The following SRSF6 variants were observed in gnomAD, a reference collection of about 807,000 sequenced individuals.
SRSF6 encodes serine/arginine-rich splicing factor 6.
Under a neutral mutation model 42.0 loss-of-function variants are expected in SRSF6, and 17 were observed. The ratio of observed to expected loss-of-function variants is 0.40; its 90% CI spans 0.28 to 0.61. SRSF6 has a LOEUF of 0.61. Among genes scored for constraint, SRSF6 ranks in the 20% least tolerant of loss-of-function variants. The pLI is 0.37. For synonymous variants in SRSF6, 204 were observed against 166.7 expected (o/e 1.22, Z -1.72); for missense variants, 379 against 471.4 (o/e 0.80, Z 1.81).
In SRSF6 at chr20:43,460,943, A is replaced by G. The variant is rs747992818; in HGVS notation, c.915A>G (p.Leu305=). ...SRSQSRSNSP[L]PVPPSKARSV... is the part of the protein sequence containing the mutation. ...GCCAGTCCCGTTCCAATTCGCCGCT[A>G]CCTGTTCCACCCTCAAAGGCCCGTT... The change falls in exon 6 of 6, where the codon CTA becomes CTG. Residue 305 remains leucine (L), a synonymous_variant. Transcript: ENST00000244020. 477 of 1,614,012 alleles carry G rather than the reference A, an allele frequency of 3.0e-4. No homozygotes were observed. The highest frequency in any genetic ancestry group is 3.9e-4 in the Non-Finnish European group (459 of 1,180,026).
At position 43,460,824 on chromosome 20, in the gene SRSF6, A is replaced by C. The variant is rs201051220; in HGVS notation, c.796A>C (p.Lys266Gln). The change falls in exon 6 of 6, where the codon AAG (lysine) becomes CAG (glutamine). Residue 266 changes from lysine (K) to glutamine (Q), a missense_variant. Coordinates refer to ENST00000244020, the MANE Select transcript of SRSF6 (RefSeq NM_006275.6). ...CCATTCACATTCTCGAAGCAGATCT[A>C]AGGATGAGTATGAGAAATCTCGAAG... is the stretch of plus-strand genomic sequence containing the variant. ...GSHSHSRSRS[K>Q]DEYEKSRSRS... 1.2e-6 allele frequency: 2 copies of C among 1,614,184 alleles called. No individual in the cohort carries two copies. The highest frequency in any genetic ancestry group is 1.7e-6 in the Non-Finnish European group (2 of 1,180,034).
intron 1 of SRSF6, 108 bp from the exon 2 acceptor site, chr20:43,458,253 G>A: frequency 7.1e-7 from 1 of 1,407,860 alleles, no homozygotes; most frequent in South Asian, 1.5e-5. Flanking sequence ...CCTCAAAGAT[G>A]GCGACGGCGC....
chr20:43,458,294 G>T, intron 1 of SRSF6, 67 bp from the exon 2 acceptor site: 1 of 1,423,772 alleles, frequency 7.0e-7, no homozygotes, highest in Non-Finnish European at 9.2e-7. Context: ...TGGGGTACGG[G>T]CGCGCGCACG....
chr20:43,461,107 C>T lies in SRSF6; in HGVS notation c.*44C>T, dbSNP rs770169088. On this transcript the variant is annotated 3_prime_UTR_variant, in exon 6 of 6. Coordinates refer to ENST00000244020, the MANE Select transcript of SRSF6 (RefSeq NM_006275.6). ...CACATTATTATGGAACACTTTCCTA[C>T]TTAGGCAGTTACTCTTCCATGTTTA... 4 of 1,511,422 alleles carry T rather than the reference C, an allele frequency of 2.6e-6. No individual in the cohort carries two copies. The highest frequency in any genetic ancestry group is 2.8e-5 in the African/African-American group (2 of 71,494). 93.6% of individuals were successfully genotyped at this position (1,511,422 alleles called of 1,614,324 possible). A position where few individuals can be genotyped will look rare whatever the true frequency, so the allele number is the denominator to read the frequency against.
At position 43,458,370 on chromosome 20, in the gene SRSF6, C is replaced by T. The variant is rs554136166; in HGVS notation, c.117C>T (p.Phe39=). The change falls in exon 2 of 6, where the codon TTC becomes TTT. Residue 39 remains phenylalanine (F), a synonymous_variant. Transcript: ENST00000244020. ...CTCGCACCGCCCCTAGGTACGGCTT[C>T]GTGGAGTTCGAGGACTCCCGCGACG... ...LEVDLKNGYG[F]VEFEDSRDAD... is the part of the protein sequence containing the mutation. 5 of 1,560,222 alleles carry T rather than the reference C, an allele frequency of 3.2e-6. No individual in the cohort carries two copies. The East Asian group carries it at 1.0e-4, about 32-fold the overall frequency.
chr20:43,458,767 C>A (rs2017541031), intron 2 of SRSF6, among the ~76,000 whole-genome samples: 2 of 152,044 alleles, frequency 1.3e-5, no homozygotes, highest in African/African-American at 4.8e-5. Flanking sequence ...AGCACTGTCA[C>A]GGGTTCTTCC....
In SRSF6 at chr20:43,462,392, C is replaced by T. The variant is rs6017079; in HGVS notation, c.*1329C>T. The stretch of plus-strand genomic sequence containing the variant: ...ACCTTACATCCCTTTGTTCAGATAC[C>T]TTAAAAGTTACTTTATTTAAAAGCA... On this transcript the variant is annotated 3_prime_UTR_variant, in exon 6 of 6. Transcript: ENST00000244020. 4 of 152,128 alleles carry T rather than the reference C, an allele frequency of 2.6e-5. No homozygotes were observed. Among genetic ancestry groups the T allele is most frequent in the African/African-American group, 4.8e-5 (2 of 41,426 alleles). 9.4% of individuals were successfully genotyped at this position (152,128 alleles called of 1,614,324 possible). A position where few individuals can be genotyped will look rare whatever the true frequency, so the allele number is the denominator to read the frequency against.
intron 2 of SRSF6, 131 bp from the exon 3 acceptor site, chr20:43,459,640 C>T: frequency 4.2e-6 from 6 of 1,445,150 alleles, no homozygotes; most frequent in East Asian, 2.3e-5. Flanking sequence ...ACAAATGTGT[C>T]GAAGGTTTAG....
At chr20:43,458,626 C>T in intron 2 of SRSF6, 117 bp downstream of exon 2, 3 of 1,054,734 alleles carry the variant, frequency 2.8e-6, no homozygotes, top group Non-Finnish European at 3.8e-6. Flanking sequence ...ACTTGGGTGT[C>T]CCCGAGCCCC....
rs141443913 is a variant in SRSF6, at chr20:43,460,203, C to T, written c.552C>T (p.Arg184=). The change falls in exon 4 of 6, where the codon CGC becomes CGT. Residue 184 remains arginine, a synonymous_variant. Coordinates refer to ENST00000244020, the MANE Select transcript of SRSF6 (RefSeq NM_006275.6). ...TTAGGCTTATTGAAGATAAGCCACG[C>T]ACAAGCCATAGGCGATCTTACTCTG... ...RNIRLIEDKP[R]TSHRRSYSGS... is the part of the protein sequence containing the mutation. 3.5e-3 allele frequency: 5,673 copies of T among 1,613,988 alleles called. 20 individuals carry two copies. Among genetic ancestry groups the T allele is most frequent in the Non-Finnish European group, 4.2e-3 (4,970 of 1,179,960 alleles).
chr20:43,459,322 G>T (rs536509059), intron 2 of SRSF6: 3 of 1,352,116 alleles, frequency 2.2e-6, no homozygotes, highest in Admixed American at 3.8e-5. Flanking sequence ...GTGATGGTGA[G>T]GATTCCAAGG....
At position 43,458,470 on chromosome 20, in the gene SRSF6, C is replaced by T; in HGVS notation, c.217C>T (p.Pro73Ser). The T allele has an allele frequency of 1.3e-6, 2 of 1,516,744 alleles. No homozygotes were observed. The highest frequency in any genetic ancestry group is 2.7e-5 in the East Asian group (1 of 36,474). 94.0% of individuals were successfully genotyped at this position (1,516,744 alleles called of 1,614,324 possible). Reference sequence around the variant, plus strand: ...CGTGATCGTAGAGCACGCCCGGGGCCCGCGTCGCGATCGCGACGGCTACAG... The same window carrying T: ...CGTGATCGTAGAGCACGCCCGGGGCTCGCGTCGCGATCGCGACGGCTACAG... Reference protein sequence around the residue: ...ERVIVEHARGPRRDRDGYSYG... With the variant: ...ERVIVEHARGSRRDRDGYSYG... The change falls in exon 2 of 6, where the codon CCG becomes TCG. Residue 73 changes from proline to serine, a missense_variant. By Grantham distance (74) the Pro-to-Ser change is moderately conservative (BLOSUM62 -1). Coordinates refer to ENST00000244020, the MANE Select transcript of SRSF6 (RefSeq NM_006275.6).
At position 43,461,256 on chromosome 20, in the gene SRSF6, T is replaced by C. The variant is rs2017585289; in HGVS notation, c.*193T>C. Reference sequence around the variant, plus strand: ...ATGGTGGCATGAAGACCCTCTCCCTTCTTTGTAGAATTAAGATAACTTTGA... The same window carrying C: ...ATGGTGGCATGAAGACCCTCTCCCTCCTTTGTAGAATTAAGATAACTTTGA... On this transcript the variant is annotated 3_prime_UTR_variant, in exon 6 of 6. Transcript: ENST00000244020. The C allele has an allele frequency of 1.7e-6, 1 of 584,880 alleles. No homozygotes were observed. The allele number at this position is 584,880 out of a possible 1,614,324, so 36.2% of individuals were successfully genotyped here.
intron 2 of SRSF6, 21 bp downstream of exon 2, chr20:43,458,530 C>T (rs2017536707): frequency 1.4e-6 from 2 of 1,477,156 alleles, no homozygotes; most frequent in Non-Finnish European, 1.8e-6. Context: ...CCCCCGCGCG[C>T]TCCGCGCCCT....
At chr20:43,458,278 G>A in intron 1 of SRSF6, 83 bp from the exon 2 acceptor site, 1 of 1,400,510 alleles carries the variant, frequency 7.1e-7, no homozygotes, top group Non-Finnish European at 9.3e-7. Flanking sequence ...TCGCGGGGGC[G>A]CGCGGTGGGG....
chr20:43,460,312 C>A (rs766451006), intron 4 of SRSF6, 71 bp downstream of exon 4: 7 of 1,518,278 alleles, frequency 4.6e-6, no homozygotes, highest in Non-Finnish European at 6.3e-6. Context: ...TGAGTGATGT[C>A]AATTGTTGCC....
At position 43,461,334 on chromosome 20, in the gene SRSF6, G is replaced by GTTTTTTTGTTTTTTTTTT. The variant is rs1196378267; in HGVS notation, c.*273_*274insTTTTTGTTTTTTTTTTTT. On this transcript the variant is annotated 3_prime_UTR_variant, in exon 6 of 6. Coordinates refer to ENST00000244020, the MANE Select transcript of SRSF6 (RefSeq NM_006275.6). ...TTTGTAAAGATTAAGCTCATTTAGT[G>GTTTTTTTGTTTTTTTTTT]TTGTTTTTTTTTTTTTTTTTTTTTT... The GTTTTTTTGTTTTTTTTTT allele has an allele frequency of 1.8e-5, 1 of 56,470 alleles. No individual in the cohort carries two copies. The highest frequency in any genetic ancestry group is 7.4e-5 in the African/African-American group (1 of 13,570). 3.5% of individuals were successfully genotyped at this position (56,470 alleles called of 1,614,324 possible).
In SRSF6 at chr20:43,458,544, G is replaced by A. The variant is rs1237587937; in HGVS notation, c.256+35G>A. ...ACCCCCGCGCGCTCCGCGCCCTTGG[G>A]GACCCTGGGGGCGGGGGTGGGTGGG... On this transcript the variant is annotated intron_variant, in intron 2 of 5. Coordinates refer to ENST00000244020, the MANE Select transcript of SRSF6 (RefSeq NM_006275.6). The A allele has an allele frequency of 2.8e-6, 4 of 1,454,038 alleles. No individual in the cohort carries two copies. The East Asian group carries it at 8.9e-5, about 32-fold the overall frequency. The allele number at this position is 1,454,038 out of a possible 1,614,324, so 90.1% of individuals were successfully genotyped here. A position where few individuals can be genotyped will look rare whatever the true frequency, so the allele number is the denominator to read the frequency against.
chr20:43,461,426 T>C lies in SRSF6; in HGVS notation c.*363T>C, dbSNP rs1175688674. 5.9e-6 allele frequency: 1 copy of C among 169,038 alleles called. No individual in the cohort carries two copies. Among genetic ancestry groups the C allele is most frequent in the Non-Finnish European group, 1.2e-5 (1 of 82,042 alleles). 10.5% of individuals were successfully genotyped at this position (169,038 alleles called of 1,614,324 possible). On this transcript the variant is annotated 3_prime_UTR_variant, in exon 6 of 6. Coordinates refer to ENST00000244020, the MANE Select transcript of SRSF6 (RefSeq NM_006275.6). ...GGTTTTTTTGTTTTATTTGTTTGCT[T>C]ATTTTTAAATTAACTGTTTTGAGCT...
Sources: gnomAD v4.1 joint callset for allele counts (sites outside exome capture counted in the v4.1 genomes callset) on GRCh38, gnomAD v4.1.1 for gene constraint, MANE v1.5 for transcripts, NCBI Gene and HGNC (gene_info 2026-07-23, HGNC 2026-07-21) for gene names.